CD8B: variants seen among roughly 807,000 people sequenced by gnomAD.
The protein encoded by CD8B is CD8 subunit beta, also known as T-cell surface glycoprotein CD8 beta chain.
Under a neutral mutation model 24.2 loss-of-function variants are expected in CD8B, and 6 were observed. The observed-to-expected ratio is 0.25, with a 90% confidence interval of 0.14 to 0.49. The LOEUF (loss-of-function observed/expected upper bound fraction) is 0.49. Among genes scored for constraint, CD8B ranks in the 20% least tolerant of loss-of-function variants. CD8B has a pLI of 0.98. For synonymous variants in CD8B, 84 were observed against 108.3 expected, an observed-to-expected ratio of 0.78 and a Z score of 1.39; for missense variants, 196 against 271.3, an observed-to-expected ratio of 0.72 and a Z score of 1.95.
rs1195278942 is a variant in CD8B, at chr2:86,842,304, T to G, written c.*3A>C. 4.4e-6 allele frequency: 7 copies of G among 1,590,928 alleles called. No homozygotes were observed. The African/African-American group carries it at 9.5e-5, about 22-fold the overall frequency. On this transcript the variant is annotated 3_prime_UTR_variant, in exon 6 of 6. Coordinates refer to ENST00000390655, the MANE Select transcript of CD8B (RefSeq NM_004931.5). ...AGCAGGACACCAAAACCGTATTCTC[T>G]GCTCATTTGTAAAATCTGAAAACAA...
At chr2:86,851,084 C>A (rs1377558516) in intron 3 of CD8B, among the ~76,000 whole-genome samples, 3 of 144,010 alleles carry the variant, frequency 2.1e-5, no homozygotes, top group Non-Finnish European at 4.6e-5. Flanking sequence ...CAGTGAGACT[C>A]CATTTCAAAA....
intron 3 of CD8B, 113 bp downstream of exon 3, chr2:86,852,884 A>G: frequency 2.1e-6 from 3 of 1,443,520 alleles, no homozygotes; most frequent in Non-Finnish European, 2.8e-6. Flanking sequence ...GGCCGGGGAG[A>G]TAGGCTCTAG....
At chr2:86,829,725 C>T (rs1296381743) in intron 5 of CD8B, among the ~76,000 whole-genome samples, 2 of 152,228 alleles carry the variant, frequency 1.3e-5, no homozygotes, top group Non-Finnish European at 1.5e-5. Context: ...CTCTCTGCTG[C>T]CTGCCTATTG....
downstream of CD8B, chr2:86,815,552 G>A (rs55989978): frequency 6.2e-3 from 6,555 of 1,062,888 alleles, 42 homozygotes; most frequent in Non-Finnish European, 8.4e-3. Flanking sequence ...TCTGAGCGAG[G>A]GAGGAATCTG....
chr2:86,839,822 AAGG>A lies in CD8B; in HGVS notation c.*2482_*2484del, dbSNP rs1323785294. Reference sequence around the variant, plus strand: ...CGCTGTGCACTGGGTGTGAGCCTTCAAGGAGGGCAGACCATGTGCACTGCAGGC... The same window carrying A: ...CGCTGTGCACTGGGTGTGAGCCTTCAAGGGCAGACCATGTGCACTGCAGGC... On this transcript the variant is annotated 3_prime_UTR_variant, in exon 6 of 6. Coordinates refer to ENST00000390655, the MANE Select transcript of CD8B (RefSeq NM_004931.5). 6.6e-6 allele frequency among the ~76,000 whole-genome samples: 1 copy of A among 152,244 alleles called. No individual in the cohort carries two copies. Among genetic ancestry groups the A allele is most frequent in the Non-Finnish European group, 1.5e-5 (1 of 68,054 alleles).
chr2:86,833,475 G>A (rs1406196412), downstream of CD8B, among the ~76,000 whole-genome samples: 5 of 112,442 alleles, frequency 4.4e-5, no homozygotes, highest in African/African-American at 1.6e-4. Flanking sequence ...CACCGCACCC[G>A]GCCCTCTCCT....
chr2:86,843,866 T>C (rs952763602), intron 5 of CD8B, among the ~76,000 whole-genome samples: 25 of 152,208 alleles, frequency 1.6e-4, no homozygotes, highest in Non-Finnish European at 2.8e-4. Flanking sequence ...CACATGGTGA[T>C]TGGCAGACGG....
chr2:86,834,935 CAAAA>C (rs59354571), downstream of CD8B, among the ~76,000 whole-genome samples: 6 of 93,950 alleles, frequency 6.4e-5, no homozygotes, highest in Admixed American at 1.2e-4. Context: ...AACTCTGTCT[CAAAA>C]AAAAAAAAAA....
At chr2:86,845,769 T>C (rs1675645114) in intron 4 of CD8B, among the ~76,000 whole-genome samples, 1 of 152,234 alleles carries the variant, frequency 6.6e-6, no homozygotes, top group African/African-American at 2.4e-5. Context: ...TCGAGAGAGT[T>C]TGCAAACCAC....
chr2:86,820,471 C>T (rs1238081883), intron 5 of CD8B, among the ~76,000 whole-genome samples: 1 of 152,208 alleles, frequency 6.6e-6, no homozygotes, highest in Non-Finnish European at 1.5e-5. Flanking sequence ...GAAATTATGA[C>T]TCACTGAAAG....
Position 86,840,103 on chromosome 2 carries a change from A to G in CD8B, c.*2204T>C, listed in dbSNP as rs1288008333. On this transcript the variant is annotated 3_prime_UTR_variant, in exon 6 of 6. Transcript: ENST00000390655. ...CGTGCTGAATCAAGGAGAAACATCTATGTCCGGGGGCAGGGAATCTGAGGC... is the reference window on the plus strand; with the variant it reads ...CGTGCTGAATCAAGGAGAAACATCTGTGTCCGGGGGCAGGGAATCTGAGGC... Among the ~76,000 whole-genome samples, 10 of 152,072 alleles carry G rather than the reference A, an allele frequency of 6.6e-5. No homozygotes were observed. The highest frequency in any genetic ancestry group is 2.6e-4 in the Admixed American group (4 of 15,258).
chr2:86,823,282 A>AT lies in CD8B; in HGVS notation c.621-7565dup, dbSNP rs1558748022. Among the ~76,000 whole-genome samples, 53 of 152,178 alleles carry AT rather than the reference A, an allele frequency of 3.5e-4. No individual in the cohort carries two copies. The Middle Eastern group carries it at 0.01, about 29-fold the overall frequency. On this transcript the variant is annotated intron_variant, in intron 5 of 5. Transcript: ENST00000331469. ...TTTTAAAACTTAAAAAAAATTTTTA[A>AT]TTAATTTTTTTGAGACAGTCTCACT... is the stretch of plus-strand genomic sequence containing the variant.
rs1231642059 is a variant in CD8B at position 86,838,906 on chromosome 2, A to G, written c.*3401T>C. On this transcript the variant is annotated 3_prime_UTR_variant, in exon 6 of 6. Coordinates refer to ENST00000390655, the MANE Select transcript of CD8B (RefSeq NM_004931.5). ...TGAAGTATAATTTACATCTATATCC[A>G]TAGCTCTAAAGTCAACATATCTGAG... is the stretch of plus-strand genomic sequence containing the variant. 6.6e-6 allele frequency among the ~76,000 whole-genome samples: 1 copy of G among 152,202 alleles called. No individual in the cohort carries two copies. The highest frequency in any genetic ancestry group is 1.5e-5 in the Non-Finnish European group (1 of 68,030).
chr2:86,827,163 C>T (rs1044584524), intron 5 of CD8B, among the ~76,000 whole-genome samples: 1 of 151,848 alleles, frequency 6.6e-6, no homozygotes, highest in African/African-American at 2.4e-5. Flanking sequence ...CTTGGTTCAT[C>T]AGCTAAGACT....
chr2:86,820,066 G>A (rs1220617575), intron 5 of CD8B, among the ~76,000 whole-genome samples: 1 of 152,332 alleles, frequency 6.6e-6, no homozygotes, highest in East Asian at 1.9e-4. Context: ...TTGCAATCCC[G>A]TGATCAAACT....
chr2:86,847,233 G>A (rs145503062), intron 3 of CD8B, among the ~76,000 whole-genome samples: 1 of 151,920 alleles, frequency 6.6e-6, no homozygotes, highest in African/African-American at 2.4e-5. Context: ...CACCATGTCC[G>A]GCCATCGTCT....
chr2:86,815,682 G>C, exon 6 of CD8B: 1 of 1,612,806 alleles, frequency 6.2e-7, no homozygotes, highest in Non-Finnish European at 8.5e-7. Context: ...GCAGGCATTG[G>C]GGGACAAAGG....
At chr2:86,835,387 G>C (rs1446730102), downstream of CD8B, among the ~76,000 whole-genome samples, 1 of 152,086 alleles carries the variant, frequency 6.6e-6, no homozygotes. Flanking sequence ...AGGCAGGGAC[G>C]ACCCAAACTC....
intron 5 of CD8B, among the ~76,000 whole-genome samples, chr2:86,826,057 TG>T (rs1674675661): frequency 6.6e-6 from 1 of 151,980 alleles, no homozygotes; most frequent in South Asian, 2.1e-4. Context: ...CAGGTGCCCG[TG>T]TTTGCAGGCG....
Sources: allele counts gnomAD v4.1 joint callset (sites outside exome capture counted in the v4.1 genomes callset), GRCh38; gene constraint gnomAD v4.1.1; transcripts MANE v1.5; gene names NCBI Gene and HGNC (gene_info 2026-07-23, HGNC 2026-07-21).